Variants in RBFOX1 observed in about 807,000 individuals in gnomAD.
RBFOX1 encodes the protein RNA binding fox-1 homolog 1, also known as RNA binding protein fox-1 homolog 1.
A neutral mutation model predicts 57.7 loss-of-function variants in RBFOX1; 8 were observed. The observed-to-expected ratio is 0.14, with a 90% confidence interval of 0.08 to 0.25. The LOEUF (loss-of-function observed/expected upper bound fraction) is 0.25. RBFOX1 is among the 10% of genes least tolerant of loss of function. The probability of loss-of-function intolerance (pLI) is 1.00; values close to 1 mark genes in which losing one functional copy is unlikely to be tolerated. For missense variants in RBFOX1, 611 were observed against 548.5 expected (o/e 1.11, Z -1.14); for synonymous variants, 326 against 222.4 (o/e 1.47, Z -4.15).
chr16:7,256,503 T>G (rs1404257927), intron 4 of RBFOX1, among the ~76,000 whole-genome samples: 1 of 152,202 alleles, frequency 6.6e-6, no homozygotes, highest in Non-Finnish European at 1.5e-5. Context: ...TTTCCCTTCC[T>G]AATCACCATT....
chr16:6,055,089 G>C (rs960318701), intron 1 of RBFOX1, among the ~76,000 whole-genome samples: 2 of 152,156 alleles, frequency 1.3e-5, no homozygotes, highest in African/African-American at 4.8e-5. Context: ...CTTCATGTGA[G>C]GGTAGAGTGT....
rs2048885415 is a variant in RBFOX1, at chr16:5,641,836, G to A, written c.318+42875G>A. On this transcript the variant is annotated intron_variant, in intron 3 of 19. Coordinates refer to the RBFOX1 transcript ENST00000641259. ...TGGCATTTTCTGTAGGAATCAAGGA[G>A]CACATCACAGAGCAGGGGCCATTTG... Among the ~76,000 whole-genome samples, 3 of 152,190 alleles carry A rather than the reference G, an allele frequency of 2.0e-5. No homozygotes were observed. In the South Asian group the frequency reaches 6.2e-4, roughly 32 times the overall value.
chr16:6,988,554 TTTAAC>T (rs780410081), intron 3 of RBFOX1, among the ~76,000 whole-genome samples: 45 of 143,346 alleles, frequency 3.1e-4, no homozygotes, highest in Non-Finnish European at 6.6e-4. Context: ...TTTATTTTAA[TTTAAC>T]TTTATTTAAT....
At chr16:6,819,730 AATAAC>A (rs1336849441) in intron 3 of RBFOX1, among the ~76,000 whole-genome samples, 2,215 of 95,190 alleles carry the variant, frequency 0.023, 252 homozygotes, top group Non-Finnish European at 0.038. Context: ...AAAAAAAAAA[AATAAC>A]AACACCAAAA....
intron 4 of RBFOX1, among the ~76,000 whole-genome samples, chr16:7,055,940 G>C (rs536606142): frequency 1.3e-5 from 2 of 152,168 alleles, no homozygotes; most frequent in Non-Finnish European, 2.9e-5. Context: ...ATTTGACACA[G>C]ATGATTTCTC....
Position 5,696,109 on chromosome 16 carries a change from C to T in RBFOX1, c.318+97148C>T, listed in dbSNP as rs565592357. 3.9e-5 allele frequency among the ~76,000 whole-genome samples: 6 copies of T among 152,238 alleles called. No homozygotes were observed. In the South Asian group the frequency reaches 1.2e-3, roughly 32 times the overall value. ...TTACAGAGAAGAATATAGTGAACCT[C>T]CTGTAGTCACCTTTTAGCATTATTA... On this transcript the variant is annotated intron_variant, in intron 3 of 19. Transcript: ENST00000641259.
chr16:6,934,648 G>T (rs942077427), intron 3 of RBFOX1, among the ~76,000 whole-genome samples: 1 of 152,162 alleles, frequency 6.6e-6, no homozygotes, highest in Non-Finnish European at 1.5e-5. Context: ...AGCACAGAAA[G>T]ACAAGTACCA....
chr16:5,395,596 C>T (rs961662381), intron 1 of RBFOX1, among the ~76,000 whole-genome samples: 4 of 152,142 alleles, frequency 2.6e-5, no homozygotes, highest in African/African-American at 9.7e-5. Context: ...TTCAGGTGGT[C>T]CTTAGGATCT....
intron 2 of RBFOX1, among the ~76,000 whole-genome samples, chr16:6,467,427 A>C (rs2095074678): frequency 6.6e-6 from 1 of 152,158 alleles, no homozygotes. Context: ...CTGTTAAATA[A>C]GTTGACATAT....
chr16:7,376,599 A>G (rs2097690214), intron 4 of RBFOX1, among the ~76,000 whole-genome samples: 1 of 152,160 alleles, frequency 6.6e-6, no homozygotes. Flanking sequence ...AGGGGATGTC[A>G]TGTTATGTAA....
At chr16:7,085,697 T>C (rs566105033) in intron 4 of RBFOX1, among the ~76,000 whole-genome samples, 4 of 152,200 alleles carry the variant, frequency 2.6e-5, no homozygotes, top group Non-Finnish European at 5.9e-5. Flanking sequence ...GTGGGGATCA[T>C]GTCCGGAGGT....
intron 2 of RBFOX1, among the ~76,000 whole-genome samples, chr16:5,549,768 G>C (rs545679145): frequency 5.3e-5 from 8 of 152,258 alleles, no homozygotes; most frequent in Admixed American, 5.2e-4. Context: ...TTTCACCCTG[G>C]AAAAGACCTG....
At chr16:7,564,439 G>T (rs1350710405) in intron 5 of RBFOX1, among the ~76,000 whole-genome samples, 3 of 150,654 alleles carry the variant, frequency 2.0e-5, no homozygotes, top group African/African-American at 7.3e-5. Flanking sequence ...TACTCAGGAG[G>T]CTGAGGCAGG....
At chr16:6,954,942 A>G (rs1179422848) in intron 3 of RBFOX1, among the ~76,000 whole-genome samples, 1 of 152,102 alleles carries the variant, frequency 6.6e-6, no homozygotes, top group Non-Finnish European at 1.5e-5. Context: ...ATCAAATTTA[A>G]TATGAAGGCT....
intron 4 of RBFOX1, among the ~76,000 whole-genome samples, chr16:7,098,154 G>A (rs1457235837): frequency 6.6e-6 from 1 of 151,914 alleles, no homozygotes; most frequent in Non-Finnish European, 1.5e-5. Context: ...ATATGGAAGG[G>A]ACAAAAAGTT....
At chr16:6,224,381 G>A (rs1218783477) in intron 1 of RBFOX1, among the ~76,000 whole-genome samples, 2 of 152,048 alleles carry the variant, frequency 1.3e-5, no homozygotes, top group African/African-American at 2.4e-5. Flanking sequence ...ATTTCCTTGA[G>A]CAGTGGTTTG....
intron 1 of RBFOX1, among the ~76,000 whole-genome samples, chr16:6,180,393 T>A (rs554872449): frequency 1.3e-5 from 2 of 152,208 alleles, no homozygotes; most frequent in African/African-American, 4.8e-5. Flanking sequence ...TTATCTAGGT[T>A]ATCTATTATT....
intron 3 of RBFOX1, among the ~76,000 whole-genome samples, chr16:6,940,149 G>T (rs930339491): frequency 6.6e-6 from 1 of 151,994 alleles, no homozygotes; most frequent in Non-Finnish European, 1.5e-5. Flanking sequence ...CCAAGATCAC[G>T]CTGCTCCACT....
intron 4 of RBFOX1, among the ~76,000 whole-genome samples, chr16:7,055,637 A>G (rs780448977): frequency 5.3e-5 from 8 of 152,160 alleles, no homozygotes; most frequent in Non-Finnish European, 8.8e-5. Flanking sequence ...TCATTGGCCA[A>G]TCTCTACATC....
Sources: allele counts gnomAD v4.1 joint callset (sites outside exome capture counted in the v4.1 genomes callset), GRCh38; gene constraint gnomAD v4.1.1; transcripts MANE v1.5; gene names NCBI Gene and HGNC (gene_info 2026-07-23, HGNC 2026-07-21).